SGCZ: variants seen among roughly 807,000 people sequenced by gnomAD.
SGCZ encodes the protein sarcoglycan zeta.
A neutral mutation model predicts 41.3 loss-of-function variants in SGCZ; 40 were observed. The observed-to-expected ratio is 0.97, with a 90% CI of 0.75 to 1.26. SGCZ has a LOEUF of 1.26. SGCZ is among the 50% of genes most tolerant of loss of function. The probability of loss-of-function intolerance (pLI) is 0.00; values close to 1 mark genes in which losing one functional copy is unlikely to be tolerated. For missense variants in SGCZ, 552 were observed against 369.8 expected (o/e 1.49, Z -4.04); for synonymous variants, 206 against 137.5 (o/e 1.50, Z -3.49).
intron 2 of SGCZ, among the ~76,000 whole-genome samples, chr8:14,335,372 C>G (rs982307619): frequency 2.0e-5 from 3 of 152,056 alleles, no homozygotes; most frequent in Non-Finnish European, 4.4e-5. Context: ...CTATCTCACC[C>G]TTGAATTCCA....
intron 2 of SGCZ, among the ~76,000 whole-genome samples, chr8:14,476,831 T>A: frequency 6.6e-6 from 1 of 152,190 alleles, no homozygotes; most frequent in East Asian, 1.9e-4. Flanking sequence ...GCCTTGTGCT[T>A]CATTGTCTTA....
At chr8:14,913,198 T>C (rs898875027) in intron 1 of SGCZ, among the ~76,000 whole-genome samples, 1 of 152,062 alleles carries the variant, frequency 6.6e-6, no homozygotes, top group African/African-American at 2.4e-5. Flanking sequence ...CCTTAGAATT[T>C]TGATATTAAC....
chr8:15,008,836 G>A (rs928265641), intron 1 of SGCZ, among the ~76,000 whole-genome samples: 3 of 147,336 alleles, frequency 2.0e-5, no homozygotes, highest in African/African-American at 7.6e-5. Flanking sequence ...AGGGAGAGAG[G>A]GGAGGGATTA....
chr8:14,845,858 G>A (rs1269936816), intron 1 of SGCZ, among the ~76,000 whole-genome samples: 2 of 152,070 alleles, frequency 1.3e-5, no homozygotes, highest in Non-Finnish European at 2.9e-5. Flanking sequence ...TTTCTACAAA[G>A]AAAGCTAACA....
intron 1 of SGCZ, among the ~76,000 whole-genome samples, chr8:14,590,169 T>C (rs1234123224): frequency 1.3e-5 from 2 of 152,116 alleles, no homozygotes; most frequent in African/African-American, 2.4e-5. Flanking sequence ...AAATATGCTA[T>C]GGACAATTTG....
At chr8:15,159,935 A>G (rs1433516447) in intron 1 of SGCZ, among the ~76,000 whole-genome samples, 1 of 151,788 alleles carries the variant, frequency 6.6e-6, no homozygotes, top group Non-Finnish European at 1.5e-5. Context: ...AGGGGGAAAA[A>G]GGAAGAGAGG....
rs377448428 is a variant in SGCZ at position 14,090,567 on chromosome 8, C to T, written c.815G>A (p.Ser272Asn). 84 of 1,612,840 alleles carry T rather than the reference C, an allele frequency of 5.2e-5. 1 individual carries two copies. The highest frequency in any genetic ancestry group is 6.9e-5 in the Non-Finnish European group (81 of 1,179,440). ...PTGSFSSSSP[S>N]SSSSRQTVYE... Reference sequence around the variant, plus strand: ...CACTGTCTGTCGAGAACTTGAGGAGCTGGGTGAAGAAGATGAGAAGGAGCC... The same window carrying T: ...CACTGTCTGTCGAGAACTTGAGGAGTTGGGTGAAGAAGATGAGAAGGAGCC... Residue 272 changes from serine (S) to asparagine (N), a missense_variant, in exon 8 of 8, where the codon AGC becomes AAC. Coordinates refer to ENST00000382080, the MANE Select transcript of SGCZ (RefSeq NM_139167.4).
intron 1 of SGCZ, among the ~76,000 whole-genome samples, chr8:15,111,700 G>C (rs964079213): frequency 1.4e-4 from 21 of 152,082 alleles, no homozygotes; most frequent in African/African-American, 5.1e-4. Flanking sequence ...AAGAGATGGA[G>C]ACCATCCTGG....
At chr8:15,215,926 T>C (rs545114812) in intron 1 of SGCZ, among the ~76,000 whole-genome samples, 41 of 152,284 alleles carry the variant, frequency 2.7e-4, no homozygotes, top group African/African-American at 9.4e-4. Flanking sequence ...CTGGAATGCA[T>C]TTTTCCTGCA....
At chr8:14,723,174 A>G (rs1393871714) in intron 1 of SGCZ, among the ~76,000 whole-genome samples, 1 of 152,226 alleles carries the variant, frequency 6.6e-6, no homozygotes, top group Admixed American at 6.5e-5. Context: ...GGAAAGAAAC[A>G]GGGATTTTGA....
chr8:14,934,016 C>T (rs1800007498), intron 1 of SGCZ, among the ~76,000 whole-genome samples: 1 of 151,896 alleles, frequency 6.6e-6, no homozygotes, highest in Non-Finnish European at 1.5e-5. Flanking sequence ...CGATGTGTTT[C>T]TCAATTATCA....
chr8:14,815,500 C>G (rs894935334), intron 1 of SGCZ, among the ~76,000 whole-genome samples: 26 of 151,882 alleles, frequency 1.7e-4, no homozygotes, highest in African/African-American at 6.0e-4. Flanking sequence ...ATATTTCTTC[C>G]GGCAGTATAT....
At chr8:14,216,737 A>AAG (rs757502818) in intron 4 of SGCZ, among the ~76,000 whole-genome samples, 4 of 152,034 alleles carry the variant, frequency 2.6e-5, no homozygotes, top group Non-Finnish European at 5.9e-5. Context: ...GAAATCTTAA[A>AAG]AAAAACAAAA....
At chr8:15,012,336 G>A (rs1005365944) in intron 1 of SGCZ, among the ~76,000 whole-genome samples, 1 of 151,228 alleles carries the variant, frequency 6.6e-6, no homozygotes, top group Non-Finnish European at 1.5e-5. Flanking sequence ...GGTGACATAT[G>A]CCTATAGTCC....
At chr8:14,224,368 A>C (rs1007623240) in intron 4 of SGCZ, among the ~76,000 whole-genome samples, 8 of 152,274 alleles carry the variant, frequency 5.3e-5, no homozygotes, top group African/African-American at 1.9e-4. Flanking sequence ...AGTACCAGGT[A>C]CTATGGTGAG....
At chr8:14,611,362 T>C (rs1373972592) in intron 1 of SGCZ, among the ~76,000 whole-genome samples, 8 of 152,122 alleles carry the variant, frequency 5.3e-5, no homozygotes, top group African/African-American at 9.7e-5. Context: ...ATGAAATAGA[T>C]TGTGGAATTG....
intron 1 of SGCZ, among the ~76,000 whole-genome samples, chr8:14,870,649 A>C (rs1381074317): frequency 2.6e-5 from 4 of 152,148 alleles, no homozygotes; most frequent in Admixed American, 2.6e-4. Flanking sequence ...GTGAACAGGC[A>C]ACCTACAGAA....
chr8:14,926,390 TA>T (rs1296695831), intron 1 of SGCZ, among the ~76,000 whole-genome samples: 1 of 152,210 alleles, frequency 6.6e-6, no homozygotes, highest in Non-Finnish European at 1.5e-5. Flanking sequence ...CCATCAATGT[TA>T]AAAATTCATA....
At position 14,466,468 on chromosome 8, in the gene SGCZ, T is replaced by C. The variant is rs143888079; in HGVS notation, c.234+88264A>G. 2.4e-3 allele frequency among the ~76,000 whole-genome samples: 371 copies of C among 152,112 alleles called. 1 individual carries two copies. The highest frequency in any genetic ancestry group is 8.7e-3 in the African/African-American group (362 of 41,544). ...GAAGTGAGAGTCTTTTAGTTTATTA[T>C]ACTTGGAGCCACTGAGCTCCTTGGA... On this transcript the variant is annotated intron_variant, in intron 2 of 7. Transcript: ENST00000382080.
Sources: allele counts gnomAD v4.1 joint callset (sites outside exome capture counted in the v4.1 genomes callset), GRCh38; gene constraint gnomAD v4.1.1; transcripts MANE v1.5; gene names NCBI Gene and HGNC (gene_info 2026-07-23, HGNC 2026-07-21).